ADGRA2: variants seen among roughly 807,000 people sequenced by gnomAD.
ADGRA2 encodes the protein adhesion G protein-coupled receptor A2.
In ADGRA2, 61 loss-of-function variants were observed where a neutral mutation model predicts 98.7. The ratio of observed to expected loss-of-function variants is 0.62; its 90% CI spans 0.50 to 0.76. The LOEUF (loss-of-function observed/expected upper bound fraction) is 0.76. ADGRA2 is among the 30% of genes least tolerant of loss of function. ADGRA2 has a pLI of 0.00. For synonymous variants in ADGRA2, 858 were observed against 831.5 expected (o/e 1.03, Z -0.55); for missense variants, 1,712 against 1,860.0 (o/e 0.92, Z 1.46).
intron 2 of ADGRA2, among the ~76,000 whole-genome samples, chr8:37,816,499 C>T (rs1235179531): frequency 1.3e-5 from 2 of 148,448 alleles, no homozygotes; most frequent in African/African-American, 5.0e-5. Flanking sequence ...GGCTGAGGCA[C>T]CAGAATCTCT....
At chr8:37,831,021 C>A in intron 7 of ADGRA2, 98 bp downstream of exon 7, 1 of 817,366 alleles carries the variant, frequency 1.2e-6, no homozygotes, top group Non-Finnish European at 2.0e-6. Context: ...CAGATGTGTT[C>A]CCGGGAGACT....
At chr8:37,816,975 C>CACACACAT (rs1805001058) in intron 2 of ADGRA2, among the ~76,000 whole-genome samples, 1 of 147,498 alleles carries the variant, frequency 6.8e-6, no homozygotes. Flanking sequence ...CACACACACA[C>CACACACAT]ATAGATTAGG....
chr8:37,821,902 G>A lies in ADGRA2; in HGVS notation c.338+6935G>A, dbSNP rs112733514. Among the ~76,000 whole-genome samples the A allele has an allele frequency of 7.4e-3, 1,127 of 152,278 alleles. 12 individuals are homozygous for A. Among genetic ancestry groups the A allele is most frequent in the African/African-American group, 0.026 (1,096 of 41,534 alleles). ...GCCCAACGCCAGGTGGCTTCCATTA[G>A]TCTGTGGGTGGGGCCGAGGGTGAGG... On this transcript the variant is annotated intron_variant, in intron 2 of 18. Transcript: ENST00000412232.
intron 2 of ADGRA2, among the ~76,000 whole-genome samples, chr8:37,822,903 T>C (rs1009251644): frequency 9.9e-5 from 15 of 151,670 alleles, no homozygotes; most frequent in Non-Finnish European, 1.9e-4. Flanking sequence ...TTTTTTTTTT[T>C]TTTTTTGAGA....
intron 1 of ADGRA2, among the ~76,000 whole-genome samples, chr8:37,803,047 G>C (rs764693354): frequency 6.6e-6 from 1 of 152,154 alleles, no homozygotes; most frequent in African/African-American, 2.4e-5. Context: ...GCAACCCCTC[G>C]TCCTGGGGGG....
chr8:37,805,598 G>A (rs1222182895), intron 1 of ADGRA2, among the ~76,000 whole-genome samples: 6 of 151,718 alleles, frequency 4.0e-5, no homozygotes, highest in African/African-American at 1.2e-4. Context: ...GGCCAGTCAC[G>A]GTGGCTCACG....
chr8:37,826,273 G>A (rs1805278791), intron 2 of ADGRA2, among the ~76,000 whole-genome samples: 1 of 152,146 alleles, frequency 6.6e-6, no homozygotes, highest in Non-Finnish European at 1.5e-5. Flanking sequence ...CAGGGGCCAG[G>A]GGGCACATGC....
In ADGRA2 at chr8:37,842,559, A is replaced by G. The variant is rs1325757232; in HGVS notation, c.*204A>G. On this transcript the variant is annotated 3_prime_UTR_variant, in exon 19 of 19. Transcript: ENST00000412232. ...ACAATCCCAGAAACACGCATAATAC[A>G]TTTCCGTCCAGCCCGGGGCAGTCTG... The G allele has an allele frequency of 1.4e-5, 12 of 853,102 alleles. No homozygotes were observed. The highest frequency in any genetic ancestry group is 6.7e-5 in the East Asian group (2 of 29,662). The allele number at this position is 853,102 out of a possible 1,614,324, so 52.8% of individuals were successfully genotyped here.
Position 37,797,612 on chromosome 8 carries a change from G to T in ADGRA2, c.266+78G>T. On this transcript the variant is annotated intron_variant, in intron 1 of 18. Coordinates refer to ENST00000412232, the MANE Select transcript of ADGRA2 (RefSeq NM_032777.10). The surrounding 1 kb of genome is among the most constrained non-coding windows in gnomAD (Gnocchi z 5.3). The stretch of plus-strand genomic sequence containing the variant: ...AGGCGAGACGGGAGGGGTGGGAGCA[G>T]GGGGAAGGGGGCTATCCCCCCACTT... The T allele has an allele frequency of 8.3e-7, 1 of 1,203,134 alleles. No homozygotes were observed. Among genetic ancestry groups the T allele is most frequent in the Non-Finnish European group, 1.1e-6 (1 of 936,504 alleles). 74.5% of individuals were successfully genotyped at this position (1,203,134 alleles called of 1,614,324 possible). A position where few individuals can be genotyped will look rare whatever the true frequency, so the allele number is the denominator to read the frequency against.
rs779364501 is a variant in ADGRA2, at chr8:37,831,499, G to A, written c.1009G>A (p.Ala337Thr). Residue 337 changes from alanine (A) to threonine (T), a missense_variant, in exon 8 of 19, where the codon GCC (alanine) becomes ACC (threonine). Coordinates refer to ENST00000412232, the MANE Select transcript of ADGRA2 (RefSeq NM_032777.10). ...ECTVSMAQGN[A>T]SKKVEIVVLE... ...CACCGTGTCCATGGCCCAAGGCAAC[G>A]CCAGCAAGAAGGTGGAGATCGTGGT... 1.2e-5 allele frequency: 20 copies of A among 1,613,846 alleles called. No homozygotes were observed. The highest frequency in any genetic ancestry group is 2.2e-5 in the East Asian group (1 of 44,872).
At chr8:37,831,267 A>T (rs774702556) in intron 7 of ADGRA2, among the ~76,000 whole-genome samples, 156 bp from the exon 8 acceptor site, 2 of 152,226 alleles carry the variant, frequency 1.3e-5, no homozygotes, top group African/African-American at 2.4e-5. Flanking sequence ...AAACAGTATC[A>T]TAAGGCCAAT....
intron 1 of ADGRA2, among the ~76,000 whole-genome samples, chr8:37,805,918 G>T (rs917163693): frequency 6.6e-6 from 1 of 151,882 alleles, no homozygotes; most frequent in Non-Finnish European, 1.5e-5. Context: ...TGTTAGCTGG[G>T]CATGGTGGCA....
At chr8:37,835,879 C>T (rs1805597011) in intron 13 of ADGRA2, 109 bp downstream of exon 13, 1 of 696,126 alleles carries the variant, frequency 1.4e-6, no homozygotes, top group Non-Finnish European at 2.5e-6. Flanking sequence ...CGTAGTGGAA[C>T]TGACACAGGA....
intron 2 of ADGRA2, among the ~76,000 whole-genome samples, chr8:37,824,208 T>A (rs1362725236): frequency 6.6e-6 from 1 of 151,806 alleles, no homozygotes; most frequent in Non-Finnish European, 1.5e-5. Flanking sequence ...ATTTTTGTAT[T>A]TTTAGTAGAG....
Position 37,835,641 on chromosome 8 carries a change from T to C in ADGRA2, c.1921T>C (p.Cys641Arg). The change falls in exon 13 of 19, where the codon TGC becomes CGC. Residue 641 changes from cysteine (C) to arginine (R), a missense_variant. Cys to Arg is a radical substitution (Grantham distance 180). Coordinates refer to ENST00000412232, the MANE Select transcript of ADGRA2 (RefSeq NM_032777.10). ...AALAPPVPPD[C>R]TLQLLVFRNG... ...CCTGGCTCCCCCGGTGCCCCCAGAC[T>C]GCACCCTGCAACTGCTCGTCTTCCG... is the stretch of plus-strand genomic sequence containing the variant. 6.2e-7 allele frequency: 1 copy of C among 1,613,296 alleles called. No individual in the cohort carries two copies. The highest frequency in any genetic ancestry group is 8.5e-7 in the Non-Finnish European group (1 of 1,179,330).
chr8:37,840,294 AT>A, intron 17 of ADGRA2, 28 bp downstream of exon 17: 1 of 1,607,918 alleles, frequency 6.2e-7, no homozygotes, highest in Non-Finnish European at 8.5e-7. Flanking sequence ...CAGCTTTGCA[AT>A]TGGGGAGGGA....
rs973463310 is a variant in ADGRA2 at position 37,814,753 on chromosome 8, G to A, written c.267-143G>A. 9 of 654,900 alleles carry A rather than the reference G, an allele frequency of 1.4e-5. No homozygotes were observed. The highest frequency in any genetic ancestry group is 7.1e-5 in the African/African-American group (4 of 56,168). The allele number at this position is 654,900 out of a possible 1,614,324, so 40.6% of individuals were successfully genotyped here. On this transcript the variant is annotated intron_variant, in intron 1 of 18. Coordinates refer to ENST00000412232, the MANE Select transcript of ADGRA2 (RefSeq NM_032777.10). The surrounding 1 kb of genome is among the most constrained non-coding windows in gnomAD (Gnocchi z 4.3). ...GGCCAGCTTCTCCCTGTAATCTCCG[G>A]AAGTAGAGGGTGGGGGCTGCTGCCT...
chr8:37,817,992 C>T (rs529797565), intron 2 of ADGRA2, among the ~76,000 whole-genome samples: 4 of 152,272 alleles, frequency 2.6e-5, no homozygotes, highest in African/African-American at 7.2e-5. Flanking sequence ...CATTGTACTC[C>T]AGCCTGGGCA....
intron 1 of ADGRA2, among the ~76,000 whole-genome samples, chr8:37,805,015 C>T (rs1384927164): frequency 6.6e-6 from 1 of 152,222 alleles, no homozygotes; most frequent in African/African-American, 2.4e-5. Flanking sequence ...GACAATGTGA[C>T]CCCTATGGGT....
Sources: allele counts gnomAD v4.1 joint callset (sites outside exome capture counted in the v4.1 genomes callset), GRCh38; gene constraint gnomAD v4.1.1; non-coding constraint Gnocchi (gnomAD v3.1); transcripts MANE v1.5; gene names NCBI Gene and HGNC (gene_info 2026-07-23, HGNC 2026-07-21).